The following RBFOX1 variants were observed in gnomAD, a reference collection of about 807,000 sequenced individuals.
The protein encoded by RBFOX1 is RNA binding fox-1 homolog 1, also known as RNA binding protein fox-1 homolog 1.
RBFOX1 carries 8 observed loss-of-function variants against 57.7 expected under a neutral mutation model. The observed-to-expected ratio is 0.14, with a 90% CI of 0.08 to 0.25. RBFOX1 has a LOEUF of 0.25. Ranked by LOEUF, RBFOX1 falls within the 10% of genes least tolerant of loss-of-function variation. RBFOX1 has a pLI of 1.00. For missense variants in RBFOX1, 611 were observed against 548.5 expected, an observed-to-expected ratio of 1.11 and a Z score of -1.14; for synonymous variants, 326 against 222.4, an observed-to-expected ratio of 1.47 and a Z score of -4.15.
chr16:6,575,141 GAC>G lies in RBFOX1; in HGVS notation c.-63-79459_-63-79458del, dbSNP rs1567737840. On this transcript the variant is annotated intron_variant, in intron 2 of 15. Coordinates refer to ENST00000550418, the MANE Select transcript of RBFOX1 (RefSeq NM_018723.4). The stretch of plus-strand genomic sequence containing the variant: ...CCCGCAAGGCGACAGGACAGATTAC[GAC>G]ACGTTGTTTGAAATCTGCCTTTAGA... Among the ~76,000 whole-genome samples the G allele has an allele frequency of 2.6e-5, 4 of 151,798 alleles. No individual in the cohort carries two copies. The East Asian group carries it at 7.8e-4, about 30-fold the overall frequency.
At chr16:5,969,958 T>A (rs1158877830) in intron 4 of RBFOX1, among the ~76,000 whole-genome samples, 2 of 152,138 alleles carry the variant, frequency 1.3e-5, no homozygotes, top group Non-Finnish European at 2.9e-5. Context: ...ACCACATCTG[T>A]TGCTTCGCAG....
intron 1 of RBFOX1, among the ~76,000 whole-genome samples, chr16:5,309,098 G>C (rs1405391932): frequency 1.3e-5 from 2 of 152,234 alleles, no homozygotes; most frequent in African/African-American, 4.8e-5. Context: ...GTTAAAATCT[G>C]TCTTTAATAA....
chr16:6,905,893 G>C (rs2069763035), intron 3 of RBFOX1, among the ~76,000 whole-genome samples: 1 of 152,208 alleles, frequency 6.6e-6, no homozygotes, highest in African/African-American at 2.4e-5. Flanking sequence ...CAAAGTGAGT[G>C]TCCACAGGCT....
chr16:6,006,323 C>T (rs1230854694), intron 4 of RBFOX1, among the ~76,000 whole-genome samples: 3 of 151,912 alleles, frequency 2.0e-5, no homozygotes, highest in African/African-American at 4.8e-5. Flanking sequence ...TATGTGATCC[C>T]ATCTGGACCA....
chr16:7,589,443 G>A (rs1197193012), intron 7 of RBFOX1, among the ~76,000 whole-genome samples: 1 of 151,956 alleles, frequency 6.6e-6, no homozygotes, highest in Non-Finnish European at 1.5e-5. Context: ...GGGGCTTCAG[G>A]AAAAAGACCA....
chr16:7,368,605 C>T (rs1288638493), intron 4 of RBFOX1, among the ~76,000 whole-genome samples: 1 of 151,646 alleles, frequency 6.6e-6, no homozygotes, highest in Non-Finnish European at 1.5e-5. Context: ...GGTGAAACCC[C>T]CTGTCTACTA....
At chr16:6,851,882 A>G (rs1244015487) in intron 3 of RBFOX1, among the ~76,000 whole-genome samples, 1 of 149,090 alleles carries the variant, frequency 6.7e-6, no homozygotes, top group Non-Finnish European at 1.5e-5. Context: ...CTTTAGCTGT[A>G]TTTTTTGGGG....
intron 3 of RBFOX1, among the ~76,000 whole-genome samples, chr16:6,766,973 G>A (rs1025817557): frequency 1.3e-5 from 2 of 152,126 alleles, no homozygotes; most frequent in African/African-American, 4.8e-5. Context: ...GGAGGCTGAA[G>A]GCTGAAGGAA....
chr16:5,450,692 A>G (rs1243651849), intron 1 of RBFOX1, among the ~76,000 whole-genome samples: 3 of 152,152 alleles, frequency 2.0e-5, no homozygotes, highest in African/African-American at 7.2e-5. Flanking sequence ...ACTTGCCACC[A>G]CCACCGCTCC....
intron 1 of RBFOX1, among the ~76,000 whole-genome samples, chr16:5,438,189 C>G (rs2067974245): frequency 6.6e-6 from 1 of 152,146 alleles, no homozygotes; most frequent in Non-Finnish European, 1.5e-5. Flanking sequence ...TGTTAGGCGA[C>G]AAAACTAGAG....
At chr16:6,663,126 G>A (rs751052916) in intron 3 of RBFOX1, among the ~76,000 whole-genome samples, 1 of 152,164 alleles carries the variant, frequency 6.6e-6, no homozygotes, top group African/African-American at 2.4e-5. Flanking sequence ...AAGGCAGACT[G>A]GAGGATGGGT....
chr16:6,630,026 C>T (rs761395084), intron 2 of RBFOX1, among the ~76,000 whole-genome samples: 2 of 149,728 alleles, frequency 1.3e-5, no homozygotes, highest in Middle Eastern at 3.5e-3. Context: ...AAGATTAAAC[C>T]CCTTAGTGTC....
At chr16:7,219,405 A>G (rs998617895) in intron 4 of RBFOX1, among the ~76,000 whole-genome samples, 3 of 152,198 alleles carry the variant, frequency 2.0e-5, no homozygotes, top group Non-Finnish European at 4.4e-5. Flanking sequence ...CGTTAAGAGT[A>G]ATTGATGAGC....
chr16:7,560,331 C>G (rs1302503026), intron 5 of RBFOX1, among the ~76,000 whole-genome samples: 1 of 152,138 alleles, frequency 6.6e-6, no homozygotes, highest in African/African-American at 2.4e-5. Flanking sequence ...GCAAGGCCAC[C>G]AAATTTCATG....
chr16:7,654,671 G>A (rs2065890878), intron 12 of RBFOX1, among the ~76,000 whole-genome samples: 1 of 152,162 alleles, frequency 6.6e-6, no homozygotes, highest in Non-Finnish European at 1.5e-5. Flanking sequence ...TGTGTTTGGT[G>A]GCAGTCTTGA....
chr16:7,542,598 T>A (rs1005513865), intron 5 of RBFOX1, among the ~76,000 whole-genome samples: 4 of 150,910 alleles, frequency 2.7e-5, no homozygotes, highest in African/African-American at 9.8e-5. Context: ...CTCACACCTG[T>A]AATCCCAGCA....
At chr16:7,208,261 C>G (rs1274898232) in intron 4 of RBFOX1, among the ~76,000 whole-genome samples, 1 of 152,198 alleles carries the variant, frequency 6.6e-6, no homozygotes, top group Non-Finnish European at 1.5e-5. Context: ...AATCCTGGCT[C>G]CCTTTGCCTC....
rs2043856073 is a variant in RBFOX1, at chr16:7,034,841, C to CTTTCTTTTTTTTTTT, written c.-15-17213_-15-17212insCTTTTTTTTTTTTTT. ...ATATTGCATTACTTTTTTTTTTTTTCTTTTTTCTTTTTTTTTTTTTTTTTT... is the reference window on the plus strand; with the variant it reads ...ATATTGCATTACTTTTTTTTTTTTTCTTTCTTTTTTTTTTTTTTTTTCTTTTTTTTTTTTTTTTTT... On this transcript the variant is annotated intron_variant, in intron 3 of 15. Coordinates refer to ENST00000550418, the MANE Select transcript of RBFOX1 (RefSeq NM_018723.4). Among the ~76,000 whole-genome samples, 4 of 39,166 alleles carry CTTTCTTTTTTTTTTT rather than the reference C, an allele frequency of 1.0e-4. 1 individual carries two copies. The highest frequency in any genetic ancestry group is 2.4e-4 in the African/African-American group (2 of 8,256). The allele number at this position is 39,166 out of a possible 152,430, so 25.7% of individuals were successfully genotyped here. A position where few individuals can be genotyped will look rare whatever the true frequency, so the allele number is the denominator to read the frequency against.
intron 1 of RBFOX1, among the ~76,000 whole-genome samples, chr16:6,277,798 G>C (rs2075983891): frequency 6.6e-6 from 1 of 152,070 alleles, no homozygotes; most frequent in Non-Finnish European, 1.5e-5. Flanking sequence ...CAATGAAGAC[G>C]TGTGCTAGAG....
Sources: allele counts gnomAD v4.1 joint callset (sites outside exome capture counted in the v4.1 genomes callset), GRCh38; gene constraint gnomAD v4.1.1; transcripts MANE v1.5; gene names NCBI Gene and HGNC (gene_info 2026-07-23, HGNC 2026-07-21).